The following CACNA2D1 variants were observed in gnomAD, a reference collection of about 807,000 sequenced individuals.
The protein encoded by CACNA2D1 is calcium voltage-gated channel auxiliary subunit alpha2delta 1.
A neutral mutation model predicts 171.5 loss-of-function variants in CACNA2D1; 53 were observed. The ratio of observed to expected loss-of-function variants is 0.31; its 90% CI spans 0.25 to 0.39. CACNA2D1 has a LOEUF of 0.39. Ranked by LOEUF, CACNA2D1 falls within the 10% of genes least tolerant of loss-of-function variation. CACNA2D1 has a pLI of 1.00. For missense variants in CACNA2D1, 903 were observed against 1,299.8 expected (o/e 0.69, Z 4.69); for synonymous variants, 442 against 443.1 (o/e 1.00, Z 0.03).
At chr7:82,026,873 T>C (rs1801990934) in intron 12 of CACNA2D1, among the ~76,000 whole-genome samples, 1 of 151,794 alleles carries the variant, frequency 6.6e-6, no homozygotes, top group African/African-American at 2.4e-5. Flanking sequence ...GTTGTTTTAA[T>C]AAAATACAGG....
At chr7:82,421,982 A>G (rs1433876315) in intron 1 of CACNA2D1, among the ~76,000 whole-genome samples, 1 of 152,162 alleles carries the variant, frequency 6.6e-6, no homozygotes. Context: ...TGGATCCTTG[A>G]GAAAAGGCCT....
intron 3 of CACNA2D1, among the ~76,000 whole-genome samples, chr7:82,194,095 T>G (rs961799651): frequency 6.6e-6 from 1 of 151,982 alleles, no homozygotes; most frequent in Non-Finnish European, 1.5e-5. Context: ...CTAAATGACT[T>G]TATTAGAGTA....
At chr7:82,153,297 T>C (rs1794038608) in intron 4 of CACNA2D1, among the ~76,000 whole-genome samples, 1 of 151,828 alleles carries the variant, frequency 6.6e-6, no homozygotes, top group South Asian at 2.1e-4. Flanking sequence ...AAAACTGAGA[T>C]AAAAAAATCT....
At chr7:82,378,715 T>TA (rs1156937752) in intron 1 of CACNA2D1, among the ~76,000 whole-genome samples, 1 of 152,208 alleles carries the variant, frequency 6.6e-6, no homozygotes, top group Non-Finnish European at 1.5e-5. Flanking sequence ...ATTAGCATCC[T>TA]AGTTATCTCC....
chr7:82,135,246 T>G (rs1022546558), intron 5 of CACNA2D1, among the ~76,000 whole-genome samples: 3 of 152,052 alleles, frequency 2.0e-5, no homozygotes, highest in Non-Finnish European at 4.4e-5. Context: ...GGAAGGTTGA[T>G]GAAGATTTTG....
chr7:82,087,110 G>T (rs1362283683), intron 6 of CACNA2D1, among the ~76,000 whole-genome samples: 1 of 152,154 alleles, frequency 6.6e-6, no homozygotes, highest in African/African-American at 2.4e-5. Context: ...GACTCAGAAT[G>T]AAAGTATTGG....
At chr7:82,123,009 C>T (rs371864957) in intron 5 of CACNA2D1, among the ~76,000 whole-genome samples, 1 of 152,170 alleles carries the variant, frequency 6.6e-6, no homozygotes, top group African/African-American at 2.4e-5. Context: ...AGAGATCACA[C>T]AGTAGGACTC....
chr7:82,189,910 A>T (rs1483076970), intron 3 of CACNA2D1, among the ~76,000 whole-genome samples: 1 of 151,966 alleles, frequency 6.6e-6, no homozygotes, highest in Admixed American at 6.6e-5. Flanking sequence ...AAAAGTTATT[A>T]ATAAAAGGTT....
chr7:82,078,807 G>A (rs1213195081), intron 7 of CACNA2D1, among the ~76,000 whole-genome samples: 5 of 152,032 alleles, frequency 3.3e-5, no homozygotes, highest in Non-Finnish European at 5.9e-5. Context: ...ACAAAGTGAC[G>A]GTGATGACAG....
intron 3 of CACNA2D1, among the ~76,000 whole-genome samples, chr7:82,297,398 A>G (rs1405054766): frequency 6.6e-6 from 1 of 152,138 alleles, no homozygotes; most frequent in Non-Finnish European, 1.5e-5. Context: ...GTGGGGGGAG[A>G]TGTTGAATGG....
chr7:82,157,298 C>G (rs369027583), intron 4 of CACNA2D1, among the ~76,000 whole-genome samples: 66 of 152,220 alleles, frequency 4.3e-4, no homozygotes, highest in African/African-American at 1.4e-3. Context: ...ATCCCATGAT[C>G]TAAATTTCTA....
At chr7:82,148,417 G>A (rs1793403717) in intron 4 of CACNA2D1, among the ~76,000 whole-genome samples, 1 of 152,046 alleles carries the variant, frequency 6.6e-6, no homozygotes, top group Non-Finnish European at 1.5e-5. Context: ...AAAGCTGAAG[G>A]AGAGAGCTAA....
intron 1 of CACNA2D1, among the ~76,000 whole-genome samples, chr7:82,424,331 G>A (rs1828989196): frequency 6.6e-6 from 1 of 152,120 alleles, no homozygotes; most frequent in Admixed American, 6.5e-5. Flanking sequence ...TACATAAGCA[G>A]TATTAAAAAG....
intron 32 of CACNA2D1, among the ~76,000 whole-genome samples, chr7:81,964,900 T>G (rs921845311): frequency 1.3e-5 from 2 of 152,042 alleles, no homozygotes; most frequent in Non-Finnish European, 2.9e-5. Flanking sequence ...AGCTTTTTTT[T>G]GTACACCTTA....
intron 6 of CACNA2D1, among the ~76,000 whole-genome samples, chr7:82,095,824 A>G (rs1412858897): frequency 6.6e-6 from 1 of 152,178 alleles, no homozygotes; most frequent in Non-Finnish European, 1.5e-5. Context: ...GTGGATGGGT[A>G]TCATCTGAAT....
chr7:82,047,711 A>G (rs1427285774), intron 10 of CACNA2D1, among the ~76,000 whole-genome samples: 2 of 151,230 alleles, frequency 1.3e-5, no homozygotes, highest in Non-Finnish European at 3.0e-5. Flanking sequence ...TACAAAAAAG[A>G]CTCTCTCTAT....
chr7:82,389,167 C>A (rs1482539197), intron 1 of CACNA2D1, among the ~76,000 whole-genome samples: 2 of 140,736 alleles, frequency 1.4e-5, no homozygotes, highest in African/African-American at 2.8e-5. Context: ...TATATATATA[C>A]ACACACACAC....
intron 6 of CACNA2D1, among the ~76,000 whole-genome samples, chr7:82,110,240 C>T (rs113322919): frequency 5.3e-4 from 81 of 152,194 alleles, no homozygotes; most frequent in African/African-American, 1.7e-3. Flanking sequence ...ATGTTGAAGC[C>T]CTAACCACCA....
intron 1 of CACNA2D1, among the ~76,000 whole-genome samples, chr7:82,405,403 T>C (rs1210335328): frequency 1.3e-5 from 2 of 152,186 alleles, no homozygotes; most frequent in Admixed American, 6.5e-5. Flanking sequence ...GCTAAATTTA[T>C]ACCAATGGGA....
Sources: gnomAD v4.1 joint callset for allele counts (sites outside exome capture counted in the v4.1 genomes callset) on GRCh38, gnomAD v4.1.1 for gene constraint, MANE v1.5 for transcripts, NCBI Gene and HGNC (gene_info 2026-07-23, HGNC 2026-07-21) for gene names.